RDH12: variants seen among roughly 807,000 people sequenced by gnomAD.
The protein encoded by RDH12 is all-trans and 9-cis retinol dehydrogenase.
In RDH12, 21 loss-of-function variants were observed where a neutral mutation model predicts 34.0. The ratio of observed to expected loss-of-function variants is 0.62; its 90% CI spans 0.44 to 0.89. The LOEUF is 0.89. Ranked by LOEUF, RDH12 falls within the 40% of genes least tolerant of loss-of-function variation. The pLI, the probability that RDH12 is intolerant of heterozygous loss-of-function variation, is 0.00. For synonymous variants in RDH12, 198 were observed against 169.9 expected, an observed-to-expected ratio of 1.17 and a Z score of -1.29; for missense variants, 394 against 398.6, an observed-to-expected ratio of 0.99 and a Z score of 0.10.
chr14:67,708,618 C>T (rs912589924), intron 1 of RDH12, among the ~76,000 whole-genome samples: 1 of 151,944 alleles, frequency 6.6e-6, no homozygotes, highest in Non-Finnish European at 1.5e-5. Flanking sequence ...CTAAGTCATA[C>T]CAAAATTACA....
intron 7 of RDH12, chr14:67,727,475 TG>T (rs200854124): frequency 0.038 from 11,561 of 307,062 alleles, 39 homozygotes; most frequent in Non-Finnish European, 0.049. Flanking sequence ...AGAGGCTTTT[TG>T]TTTTTTTTGT....
rs1184408326 is a variant in RDH12 at position 67,733,760 on chromosome 14, C to T, written c.863C>T (p.Thr288Ile). ...SGKYFSDCKR[T>I]WVSPRARNNK... Reference sequence around the variant, plus strand: ...CTGCCCTCCAGTGACTGCAAGAGGACCTGGGTGTCTCCAAGGGCCCGAAAT... The same window carrying T: ...CTGCCCTCCAGTGACTGCAAGAGGATCTGGGTGTCTCCAAGGGCCCGAAAT... The change falls in exon 9 of 9, where the codon ACC becomes ATC. Residue 288 changes from threonine (T) to isoleucine (I), a missense_variant. Coordinates refer to ENST00000551171, the MANE Select transcript of RDH12 (RefSeq NM_152443.3). 3.1e-6 allele frequency: 5 copies of T among 1,612,604 alleles called. No homozygotes were observed. The Admixed American group carries it at 8.3e-5, about 27-fold the overall frequency.
At position 67,712,387 on chromosome 14, in the gene RDH12, C is replaced by A. The variant is rs368631548; in HGVS notation, c.-274-8461C>A. Among the ~76,000 whole-genome samples the A allele has an allele frequency of 3.0e-4, 45 of 148,790 alleles. 1 individual carries two copies. The highest frequency in any genetic ancestry group is 1.1e-3 in the African/African-American group (44 of 40,708). On this transcript the variant is annotated intron_variant, in intron 1 of 8. Coordinates refer to ENST00000551171, the MANE Select transcript of RDH12 (RefSeq NM_152443.3). ...TTTTTGTTTTTTAATAAAGACATTTCTAAGTGTCTAAGCTACATTCTTCCT... is the reference window on the plus strand; with the variant it reads ...TTTTTGTTTTTTAATAAAGACATTTATAAGTGTCTAAGCTACATTCTTCCT...
At chr14:67,713,501 C>T (rs193006208) in intron 1 of RDH12, among the ~76,000 whole-genome samples, 9 of 151,534 alleles carry the variant, frequency 5.9e-5, no homozygotes, top group Non-Finnish European at 1.3e-4. Flanking sequence ...AGGGGATATT[C>T]CCAGACCTCA....
intron 1 of RDH12, among the ~76,000 whole-genome samples, chr14:67,708,535 A>T (rs920724613): frequency 5.9e-5 from 9 of 152,206 alleles, no homozygotes; most frequent in Admixed American, 2.0e-4. Context: ...GAAACAATTG[A>T]CAAGGAAATT....
chr14:67,724,984 G>A (rs925486904), intron 4 of RDH12, 115 bp from the exon 5 acceptor site: 31 of 1,213,634 alleles, frequency 2.6e-5, no homozygotes, highest in Middle Eastern at 2.0e-4. Context: ...TCACTCTACC[G>A]TTGAAGGATG....
chr14:67,720,817 C>T (rs895129228), intron 1 of RDH12, 31 bp from the exon 2 acceptor site: 2 of 152,138 alleles, frequency 1.3e-5, no homozygotes, highest in African/African-American at 4.8e-5. Flanking sequence ...ATTCTAGATG[C>T]CTTATGGTCC....
At chr14:67,722,359 C>T in intron 2 of RDH12, 65 bp from the exon 3 acceptor site, 1 of 533,242 alleles carries the variant, frequency 1.9e-6, no homozygotes, top group Non-Finnish European at 3.4e-6. Context: ...TTTAGTTTCC[C>T]CACATTCTCT....
chr14:67,702,607 T>TA (rs2037910779), intron 1 of RDH12, among the ~76,000 whole-genome samples: 5 of 152,234 alleles, frequency 3.3e-5, no homozygotes, highest in African/African-American at 9.6e-5. Flanking sequence ...TTTATTTTAC[T>TA]AATAATTTTA....
chr14:67,703,831 G>T (rs748947442), intron 1 of RDH12, among the ~76,000 whole-genome samples: 3 of 151,898 alleles, frequency 2.0e-5, no homozygotes, highest in Non-Finnish European at 2.9e-5. Context: ...GCATACCACC[G>T]TGCCTGGCTA....
chr14:67,713,582 C>CA lies in RDH12; in HGVS notation c.-274-7263dup, dbSNP rs556708606. 5.7e-3 allele frequency among the ~76,000 whole-genome samples: 868 copies of CA among 152,148 alleles called. 1 individual carries two copies. The highest frequency in any genetic ancestry group is 9.4e-3 in the Non-Finnish European group (641 of 68,002). ...TACCAGGCACTGATAGGAGATTTGT[C>CA]AAAGGTCAGGGGCATCTCCATTGAG... is the stretch of plus-strand genomic sequence containing the variant. On this transcript the variant is annotated intron_variant, in intron 1 of 8. Coordinates refer to ENST00000551171, the MANE Select transcript of RDH12 (RefSeq NM_152443.3).
intron 1 of RDH12, among the ~76,000 whole-genome samples, chr14:67,704,311 C>G (rs562440612): frequency 6.6e-6 from 1 of 152,282 alleles, no homozygotes; most frequent in African/African-American, 2.4e-5. Context: ...ATTTTCAAAT[C>G]GTTTCACATA....
At position 67,724,397 on chromosome 14, in the gene RDH12, T is replaced by G. The variant is rs932953671; in HGVS notation, c.69-76T>G. ...CTTCTTTGAGGCTGGATAGAGTTTT[T>G]TTTTTTTTTTTTAACGTATCTTAGT... On this transcript the variant is annotated intron_variant, in intron 3 of 8. Coordinates refer to ENST00000551171, the MANE Select transcript of RDH12 (RefSeq NM_152443.3). 995 of 919,154 alleles carry G rather than the reference T, an allele frequency of 1.1e-3. 8 individuals are homozygous for G. The highest frequency in any genetic ancestry group is 3.6e-3 in the South Asian group (229 of 63,808). 56.9% of individuals were successfully genotyped at this position (919,154 alleles called of 1,614,324 possible). A position where few individuals can be genotyped will look rare whatever the true frequency, so the allele number is the denominator to read the frequency against.
chr14:67,710,965 T>C (rs1343262490), intron 1 of RDH12, among the ~76,000 whole-genome samples: 4 of 152,226 alleles, frequency 2.6e-5, no homozygotes. Flanking sequence ...TGCAAAATTA[T>C]AACTGAGACA....
At chr14:67,727,640 GC>G (rs2038206963) in intron 7 of RDH12, 1 of 211,488 alleles carries the variant, frequency 4.7e-6, no homozygotes. Context: ...GCAATATCAC[GC>G]CTGGCTAATT....
In RDH12 at chr14:67,703,693, C is replaced by T. The variant is rs182987057; in HGVS notation, c.-275+1758C>T. On this transcript the variant is annotated intron_variant, in intron 1 of 8. Transcript: ENST00000551171. ...CCCAGTATGTCTTTTTTTATTTTTC[C>T]GAGACAGAGTTTCACTCTGTTGCCC... Among the ~76,000 whole-genome samples, 283 of 151,924 alleles carry T rather than the reference C, an allele frequency of 1.9e-3. 2 individuals carry two copies. Among genetic ancestry groups the T allele is most frequent in the Admixed American group, 4.5e-3 (69 of 15,258 alleles).
intron 3 of RDH12, among the ~76,000 whole-genome samples, chr14:67,723,894 G>C (rs1437995117): frequency 6.6e-6 from 1 of 152,188 alleles, no homozygotes; most frequent in Admixed American, 6.5e-5. Flanking sequence ...TTTGCCATCG[G>C]CCAGAATGAA....
chr14:67,705,358 G>T (rs1232909146), intron 1 of RDH12, among the ~76,000 whole-genome samples: 1 of 152,204 alleles, frequency 6.6e-6, no homozygotes, highest in Non-Finnish European at 1.5e-5. Flanking sequence ...TTCAGTGTCA[G>T]TAGGTTACAT....
Position 67,729,223 on chromosome 14 carries a change from G to C in RDH12, c.691G>C (p.Gly231Arg), listed in dbSNP as rs2038232614. The C allele has an allele frequency of 6.2e-7, 1 of 1,611,882 alleles. No homozygotes were observed. Among genetic ancestry groups the C allele is most frequent in the African/African-American group, 1.3e-5 (1 of 75,012 alleles). ...TGVTTYAVHP[G>R]VVRSELVRHS... is the part of the protein sequence containing the mutation. ...GGTCACCACCTACGCAGTGCACCCAGGCGTCGTCCGCTCTGAGCTGGTCCG... is the reference window on the plus strand; with the variant it reads ...GGTCACCACCTACGCAGTGCACCCACGCGTCGTCCGCTCTGAGCTGGTCCG... The change falls in exon 8 of 9, where the codon GGC becomes CGC. Residue 231 changes from glycine (G) to arginine (R), a missense_variant. Transcript: ENST00000551171.
Sources: gnomAD v4.1 joint callset for allele counts (sites outside exome capture counted in the v4.1 genomes callset) on GRCh38, gnomAD v4.1.1 for gene constraint, MANE v1.5 for transcripts, NCBI Gene and HGNC (gene_info 2026-07-23, HGNC 2026-07-21) for gene names.